GRIK1: variants seen among roughly 807,000 people sequenced by gnomAD.
The protein encoded by GRIK1 is glutamate receptor ionotropic, kainate 1.
A neutral mutation model predicts 105.7 loss-of-function variants in GRIK1; 69 were observed. The observed-to-expected ratio is 0.65, with a 90% CI of 0.54 to 0.80. The LOEUF (loss-of-function observed/expected upper bound fraction) is 0.80, where lower values mean the gene tolerates loss of function less well. Ranked by LOEUF, GRIK1 falls within the 30% of genes least tolerant of loss-of-function variation. GRIK1 has a pLI of 0.00. For synonymous variants in GRIK1, 438 were observed against 431.3 expected (o/e 1.02, Z -0.19); for missense variants, 1,109 against 1,167.3 (o/e 0.95, Z 0.73).
chr21:29,804,031 AG>A (rs1453541983), intron 1 of GRIK1, among the ~76,000 whole-genome samples: 1 of 152,134 alleles, frequency 6.6e-6, no homozygotes, highest in Non-Finnish European at 1.5e-5. Context: ...TGATACACTA[AG>A]GCAAAGGGTT....
At chr21:29,778,071 T>C (rs888360931) in intron 1 of GRIK1, among the ~76,000 whole-genome samples, 2 of 152,162 alleles carry the variant, frequency 1.3e-5, no homozygotes, top group African/African-American at 4.8e-5. Flanking sequence ...AGGGACACTG[T>C]GAGGGTTAAA....
chr21:29,921,910 C>T (rs1390148663), intron 1 of GRIK1, among the ~76,000 whole-genome samples: 6 of 152,164 alleles, frequency 3.9e-5, no homozygotes, highest in East Asian at 3.8e-4. Context: ...TACTTTAAGA[C>T]AATCTAAGAA....
At chr21:29,628,205 A>T (rs2062177806) in intron 7 of GRIK1, among the ~76,000 whole-genome samples, 1 of 152,224 alleles carries the variant, frequency 6.6e-6, no homozygotes, top group South Asian at 2.1e-4. Context: ...AACAAATCTG[A>T]AGTATACACA....
intron 1 of GRIK1, among the ~76,000 whole-genome samples, chr21:29,806,705 A>T (rs1382412214): frequency 6.6e-6 from 1 of 152,084 alleles, no homozygotes; most frequent in Non-Finnish European, 1.5e-5. Context: ...CTGAGTACTT[A>T]CCTTGCGCTG....
At chr21:29,805,547 T>A (rs147047712) in intron 1 of GRIK1, among the ~76,000 whole-genome samples, 6 of 152,312 alleles carry the variant, frequency 3.9e-5, no homozygotes, top group African/African-American at 1.4e-4. Flanking sequence ...TTTCTTCTAG[T>A]GGATAAACAA....
chr21:29,604,740 T>A (rs754483514), intron 7 of GRIK1, among the ~76,000 whole-genome samples: 3 of 152,204 alleles, frequency 2.0e-5, no homozygotes, highest in African/African-American at 7.2e-5. Flanking sequence ...CTGCATCAGA[T>A]CTTCATGTCT....
intron 1 of GRIK1, among the ~76,000 whole-genome samples, chr21:29,936,485 G>T (rs1332947634): frequency 6.6e-6 from 1 of 152,146 alleles, no homozygotes; most frequent in African/African-American, 2.4e-5. Flanking sequence ...CAACTAACTG[G>T]TTGTTGATAT....
At chr21:29,579,872 C>T (rs1047259211) in intron 13 of GRIK1, among the ~76,000 whole-genome samples, 3 of 151,598 alleles carry the variant, frequency 2.0e-5, no homozygotes, top group Admixed American at 1.3e-4. Flanking sequence ...GGGGTGGGTG[C>T]ACTCAATGAC....
intron 15 of GRIK1, among the ~76,000 whole-genome samples, chr21:29,557,644 C>A (rs1468077648): frequency 1.3e-5 from 2 of 152,054 alleles, no homozygotes. Context: ...GAGCAAAATG[C>A]TTTGGAGTGA....
intron 1 of GRIK1, among the ~76,000 whole-genome samples, chr21:29,797,728 A>G (rs2066597090): frequency 6.6e-6 from 1 of 152,214 alleles, no homozygotes; most frequent in Non-Finnish European, 1.5e-5. Flanking sequence ...TAAAAGTTGT[A>G]GAGTTCTACA....
intron 1 of GRIK1, among the ~76,000 whole-genome samples, chr21:29,934,812 T>A (rs915248442): frequency 6.6e-6 from 1 of 152,156 alleles, no homozygotes. Flanking sequence ...TTGAGGTCTA[T>A]GTAATGTTAA....
intron 16 of GRIK1, among the ~76,000 whole-genome samples, chr21:29,547,175 C>T (rs561703765): frequency 6.6e-6 from 1 of 152,260 alleles, no homozygotes; most frequent in South Asian, 2.1e-4. Flanking sequence ...CTGTAAAATT[C>T]ACTCTGTCTG....
intron 1 of GRIK1, among the ~76,000 whole-genome samples, chr21:29,732,114 G>T (rs1451173393): frequency 5.9e-5 from 9 of 152,112 alleles, no homozygotes; most frequent in Non-Finnish European, 1.2e-4. Flanking sequence ...TTGAACGACC[G>T]TTGTAATTTA....
At chr21:29,651,853 A>G (rs2062745764) in intron 5 of GRIK1, among the ~76,000 whole-genome samples, 1 of 151,800 alleles carries the variant, frequency 6.6e-6, no homozygotes, top group African/African-American at 2.4e-5. Flanking sequence ...GATAAAGGGG[A>G]GCTGCTATAG....
rs552856964 is a variant in GRIK1, at chr21:29,728,150, C to A, written c.119-34087G>T. On this transcript the variant is annotated intron_variant, in intron 1 of 17. Transcript: ENST00000327783. ...CTACCCAGGTATTCCTTAGCTCAAT[C>A]AAGTTGTCATATAAAATTAACCATT... Among the ~76,000 whole-genome samples, 3 of 152,312 alleles carry A rather than the reference C, an allele frequency of 2.0e-5. No individual in the cohort carries two copies. In the East Asian group the frequency reaches 5.8e-4, roughly 29 times the overall value.
At chr21:29,662,826 T>C (rs2062990140) in intron 4 of GRIK1, among the ~76,000 whole-genome samples, 1 of 152,158 alleles carries the variant, frequency 6.6e-6, no homozygotes, top group East Asian at 1.9e-4. Context: ...ACCAAGAAAC[T>C]TCTCCAAAAT....
chr21:29,541,592 T>G (rs1249618562), intron 16 of GRIK1, among the ~76,000 whole-genome samples: 1 of 149,914 alleles, frequency 6.7e-6, no homozygotes, highest in Non-Finnish European at 1.5e-5. Context: ...TTTTTTTTTT[T>G]TTTTGTGGGA....
chr21:29,755,327 A>G (rs555134804), intron 1 of GRIK1, among the ~76,000 whole-genome samples: 2 of 152,344 alleles, frequency 1.3e-5, no homozygotes, highest in South Asian at 4.1e-4. Flanking sequence ...CCTGGCTGAA[A>G]AGGGAAAGGG....
chr21:29,716,961 A>G (rs970776974), intron 1 of GRIK1, among the ~76,000 whole-genome samples: 1 of 152,214 alleles, frequency 6.6e-6, no homozygotes, highest in African/African-American at 2.4e-5. Context: ...CGCTCTGTAC[A>G]GCCTCAGGAC....
Sources: gnomAD v4.1 joint callset for allele counts (sites outside exome capture counted in the v4.1 genomes callset) on GRCh38, gnomAD v4.1.1 for gene constraint, MANE v1.5 for transcripts, NCBI Gene and HGNC (gene_info 2026-07-23, HGNC 2026-07-21) for gene names.